Variants in MTRF1 observed in about 807,000 individuals in gnomAD.
MTRF1 encodes mitochondrial translation release factor 1.
A neutral mutation model predicts 62.9 loss-of-function variants in MTRF1; 51 were observed. That is an observed-to-expected ratio of 0.81 (90% confidence interval 0.65 to 1.02). MTRF1 has a LOEUF of 1.02. Ranked by LOEUF, MTRF1 falls within the 50% of genes least tolerant of loss-of-function variation. The pLI is 0.00. For missense variants in MTRF1, 446 were observed against 530.0 expected, an observed-to-expected ratio of 0.84 and a Z score of 1.56; for synonymous variants, 158 against 181.9, an observed-to-expected ratio of 0.87 and a Z score of 1.06.
At chr13:41,263,588 G>A (rs775086780), upstream of MTRF1, 8 of 196,486 alleles carry the variant, frequency 4.1e-5, no homozygotes, top group Non-Finnish European at 7.5e-5. Flanking sequence ...TTCACTTCCT[G>A]GTTCACTTCT....
At chr13:41,294,699 T>C in the MTRF1 span, among the ~76,000 whole-genome samples, 1 of 152,122 alleles carries the variant, frequency 6.6e-6, no homozygotes, top group Non-Finnish European at 1.5e-5. Flanking sequence ...AGCAAAAGTA[T>C]AGGATAAAGC....
the MTRF1 span, among the ~76,000 whole-genome samples, chr13:41,276,467 T>C: frequency 6.6e-6 from 1 of 152,158 alleles, no homozygotes; most frequent in African/African-American, 2.4e-5. Context: ...CCACCACACC[T>C]GGCCAAATCA....
At chr13:41,288,238 A>C in the MTRF1 span, 2 of 422,502 alleles carry the variant, frequency 4.7e-6, no homozygotes, top group South Asian at 1.8e-5. Context: ...TGCATTGGGA[A>C]ATGCATTGGG....
chr13:41,268,633 C>G, the MTRF1 span, among the ~76,000 whole-genome samples: 1 of 152,024 alleles, frequency 6.6e-6, no homozygotes, highest in African/African-American at 2.4e-5. Flanking sequence ...AAACAGAACT[C>G]AAGGGGAAAC....
At chr13:41,230,124 C>A (rs2035259705) in intron 7 of MTRF1, among the ~76,000 whole-genome samples, 1 of 151,592 alleles carries the variant, frequency 6.6e-6, no homozygotes, top group South Asian at 2.1e-4. Flanking sequence ...AAAAGTATAA[C>A]TTCATTTTTG....
At chr13:41,289,536 G>A in the MTRF1 span, among the ~76,000 whole-genome samples, 1 of 152,062 alleles carries the variant, frequency 6.6e-6, no homozygotes, top group African/African-American at 2.4e-5. Flanking sequence ...GTGCCCAGCC[G>A]AAAAGTGGAT....
the MTRF1 span, chr13:41,311,090 C>G: frequency 4.2e-6 from 1 of 237,854 alleles, no homozygotes; most frequent in Non-Finnish European, 8.2e-6. Context: ...GTTTTGGTGA[C>G]AGCTCGCCTG....
intron 9 of MTRF1, among the ~76,000 whole-genome samples, chr13:41,220,323 GGAAA>G (rs1469389904): frequency 9.6e-5 from 9 of 93,318 alleles, no homozygotes; most frequent in Admixed American, 2.3e-4. Flanking sequence ...AATCTGTCTC[GGAAA>G]AAAAAAAAAA....
intron 6 of MTRF1, 61 bp from the exon 7 acceptor site, chr13:41,234,068 C>A: frequency 7.8e-7 from 1 of 1,281,282 alleles, no homozygotes; most frequent in Admixed American, 1.8e-5. Flanking sequence ...AAAATCGATT[C>A]CAAGATTTTT....
chr13:41,248,665 A>G (rs1039518856), intron 5 of MTRF1, among the ~76,000 whole-genome samples: 2 of 152,214 alleles, frequency 1.3e-5, no homozygotes, highest in African/African-American at 4.8e-5. Flanking sequence ...GTTGTGGTGA[A>G]AGGTGAGTCA....
the MTRF1 span, among the ~76,000 whole-genome samples, chr13:41,272,059 G>A: frequency 6.6e-6 from 1 of 152,138 alleles, no homozygotes. Context: ...ACATGCCACA[G>A]TCAAATCCTC....
At chr13:41,266,944 G>A (rs1283994744), upstream of MTRF1, among the ~76,000 whole-genome samples, 7 of 144,456 alleles carry the variant, frequency 4.8e-5, no homozygotes, top group African/African-American at 1.6e-4. Context: ...GCAGTGAGCT[G>A]AGATCAGGGG....
Position 41,260,679 on chromosome 13 carries a change from T to TCTG in MTRF1, c.226_228dup (p.Gln76dup). 1 of 1,614,202 alleles carries TCTG rather than the reference T, an allele frequency of 6.2e-7. No individual in the cohort carries two copies. The highest frequency in any genetic ancestry group is 8.5e-7 in the Non-Finnish European group (1 of 1,180,036). On this transcript the variant is annotated inframe_insertion, in exon 2 of 10. Transcript: ENST00000379480. ...TCCTTACTCAGGTTCTCCATATATT[T>TCTG]CTGTAGTGCTTTATGCTTCCAGAGC...
the MTRF1 span, among the ~76,000 whole-genome samples, chr13:41,284,072 C>T: frequency 1.3e-5 from 2 of 151,940 alleles, no homozygotes; most frequent in African/African-American, 4.8e-5. Flanking sequence ...TTCTATAAAC[C>T]TTTACCTTAA....
chr13:41,217,229 C>A lies in MTRF1; in HGVS notation c.1225-1G>T. On this transcript the variant is annotated splice_acceptor_variant, in intron 9 of 9. Coordinates refer to ENST00000379480, the MANE Select transcript of MTRF1 (RefSeq NM_004294.4). LOFTEE classifies it high-confidence loss of function. ...GGCCCTTCCCACCACATAAAAATTC[C>A]TGGTAAAAGAGAGAGCTATTATGAA... is the stretch of plus-strand genomic sequence containing the variant. The A allele has an allele frequency of 6.3e-7, 1 of 1,575,806 alleles. No individual in the cohort carries two copies. Among genetic ancestry groups the A allele is most frequent in the Non-Finnish European group, 8.7e-7 (1 of 1,151,662 alleles).
At chr13:41,273,666 C>T in the MTRF1 span, among the ~76,000 whole-genome samples, 6 of 151,972 alleles carry the variant, frequency 3.9e-5, no homozygotes, top group African/African-American at 7.3e-5. Context: ...GGAGAAACCC[C>T]GTCTCTACTA....
chr13:41,311,138 G>A, the MTRF1 span: 2 of 304,988 alleles, frequency 6.6e-6, no homozygotes, highest in South Asian at 4.2e-5. Flanking sequence ...GAGGAGAGCC[G>A]CAGCACAAGG....
chr13:41,269,188 T>C, the MTRF1 span, among the ~76,000 whole-genome samples: 2 of 143,592 alleles, frequency 1.4e-5, no homozygotes, highest in East Asian at 2.0e-4. Context: ...TTACCTTGTT[T>C]TTTTTTTTTG....
chr13:41,296,258 A>T, the MTRF1 span, among the ~76,000 whole-genome samples: 1 of 151,620 alleles, frequency 6.6e-6, no homozygotes, highest in Non-Finnish European at 1.5e-5. Flanking sequence ...CTTTTCATGA[A>T]GATGAGATCT....
Sources: gnomAD v4.1 joint callset for allele counts (sites outside exome capture counted in the v4.1 genomes callset) on GRCh38, gnomAD v4.1.1 for gene constraint, MANE v1.5 for transcripts, NCBI Gene and HGNC (gene_info 2026-07-23, HGNC 2026-07-21) for gene names.